ALG12: variants seen among roughly 807,000 people sequenced by gnomAD.
ALG12 encodes dol-P-Man:Man(7)GlcNAc(2)-PP-Dol alpha-1,6-mannosyltransferase.
Under a neutral mutation model 46.0 loss-of-function variants are expected in ALG12, and 36 were observed. The ratio of observed to expected loss-of-function variants is 0.78; its 90% CI spans 0.60 to 1.03. ALG12 has a LOEUF of 1.03. ALG12 is among the 50% of genes least tolerant of loss of function. The pLI is 0.00. For missense variants in ALG12, 599 were observed against 633.5 expected, an observed-to-expected ratio of 0.95 and a Z score of 0.58; for synonymous variants, 326 against 291.6, an observed-to-expected ratio of 1.12 and a Z score of -1.20.
chr22:49,892,581 T>C, the ALG12 span, among the ~76,000 whole-genome samples: 1 of 152,154 alleles, frequency 6.6e-6, no homozygotes, highest in Non-Finnish European at 1.5e-5. Flanking sequence ...AGCTGAGACA[T>C]CTTTGGGCAA....
the ALG12 span, among the ~76,000 whole-genome samples, chr22:49,878,092 G>T: frequency 6.6e-6 from 1 of 152,026 alleles, no homozygotes; most frequent in Admixed American, 6.6e-5. Context: ...ATCACCTGAG[G>T]TCAGGAATTC....
Position 49,909,362 on chromosome 22 carries a change from TAG to T in ALG12, c.665-17_665-16del, listed in dbSNP as rs1473790663. Reference sequence around the variant, plus strand: ...AACCGTCAGTCCTGACAAAATAAAATAGAGTTTCTTAGTCGCAAACACAGCCA... The same window carrying T: ...AACCGTCAGTCCTGACAAAATAAAATAGTTTCTTAGTCGCAAACACAGCCA... On this transcript the variant is annotated splice_polypyrimidine_tract_variant and intron_variant, in intron 5 of 9. Transcript: ENST00000330817. 3.1e-6 allele frequency: 5 copies of T among 1,613,180 alleles called. No individual in the cohort carries two copies. Among genetic ancestry groups the T allele is most frequent in the African/African-American group, 2.7e-5 (2 of 74,896 alleles).
chr22:49,865,717 G>A, the ALG12 span, among the ~76,000 whole-genome samples: 1 of 151,982 alleles, frequency 6.6e-6, no homozygotes, highest in Non-Finnish European at 1.5e-5. Context: ...GTTGTGTTTT[G>A]GTTGAGGTTT....
chr22:49,891,675 T>C, the ALG12 span, among the ~76,000 whole-genome samples: 2 of 152,238 alleles, frequency 1.3e-5, no homozygotes, highest in Non-Finnish European at 2.9e-5. Flanking sequence ...GCAGAATTCA[T>C]GTTCTGCTAG....
At chr22:49,861,793 G>A in the ALG12 span, among the ~76,000 whole-genome samples, 4 of 152,166 alleles carry the variant, frequency 2.6e-5, no homozygotes, top group Admixed American at 2.0e-4. Context: ...TCCTATTGAC[G>A]GGCTCTGATC....
the ALG12 span, among the ~76,000 whole-genome samples, chr22:49,891,707 T>TC: frequency 1.3e-5 from 2 of 152,254 alleles, no homozygotes; most frequent in African/African-American, 4.8e-5. Flanking sequence ...AAACTGATTC[T>TC]TACTGCCTCA....
chr22:49,900,789 T>G lies in ALG12; in HGVS notation c.*3049A>C, dbSNP rs2060501042. On this transcript the variant is annotated 3_prime_UTR_variant, in exon 10 of 10. Coordinates refer to ENST00000330817, the MANE Select transcript of ALG12 (RefSeq NM_024105.4). ...AGGCACGGTTCTGTGCTGTTTCAGA[T>G]CTGTACACACATATTACATATGTAC... 1 of 152,236 alleles carries G rather than the reference T, an allele frequency of 6.6e-6. No homozygotes were observed. The highest frequency in any genetic ancestry group is 1.5e-5 in the Non-Finnish European group (1 of 68,070). The allele number at this position is 152,236 out of a possible 1,614,324, so 9.4% of individuals were successfully genotyped here.
chr22:49,871,190 G>A, the ALG12 span, among the ~76,000 whole-genome samples: 175 of 12,902 alleles, frequency 0.014, 2 homozygotes, highest in African/African-American at 0.07. Context: ...GACTACAGGC[G>A]TGAGTCACTG....
chr22:49,893,470 T>C, the ALG12 span, among the ~76,000 whole-genome samples: 1 of 152,174 alleles, frequency 6.6e-6, no homozygotes, highest in South Asian at 2.1e-4. Flanking sequence ...CAGCTGACTC[T>C]CTAAAACAAA....
the ALG12 span, among the ~76,000 whole-genome samples, chr22:49,890,347 A>T: frequency 2.6e-5 from 4 of 152,190 alleles, no homozygotes; most frequent in African/African-American, 4.8e-5. Flanking sequence ...CAACATTTTT[A>T]TTTCTCAATG....
chr22:49,900,065 G>C (rs1241688508), downstream of ALG12, among the ~76,000 whole-genome samples: 1 of 152,168 alleles, frequency 6.6e-6, no homozygotes, highest in Non-Finnish European at 1.5e-5. Context: ...TTGGGAGGCT[G>C]AGGTGGGAGG....
At chr22:49,879,302 T>C in the ALG12 span, among the ~76,000 whole-genome samples, 4 of 149,630 alleles carry the variant, frequency 2.7e-5, no homozygotes, top group East Asian at 7.9e-4. Context: ...TTTTTTTGTA[T>C]TTTTAGTAGA....
intron 1 of ALG12, 47 bp from the exon 2 acceptor site, chr22:49,913,890 G>T: frequency 7.7e-7 from 1 of 1,302,310 alleles, no homozygotes; most frequent in Non-Finnish European, 1.1e-6. Context: ...TCACGCTTGC[G>T]CTCACGTTTG....
At chr22:49,911,682 C>T (rs2146610798) in intron 3 of ALG12, among the ~76,000 whole-genome samples, 1 of 152,322 alleles carries the variant, frequency 6.6e-6, no homozygotes, top group South Asian at 2.1e-4. Flanking sequence ...GATCCCCCCG[C>T]CTCGGCCTCC....
chr22:49,916,128 G>T (rs922145953), intron 1 of ALG12, among the ~76,000 whole-genome samples: 1 of 151,800 alleles, frequency 6.6e-6, no homozygotes, highest in South Asian at 2.1e-4. Context: ...GAGTGGTGGC[G>T]AGTAGTCCCA....
At chr22:49,890,662 G>A in the ALG12 span, among the ~76,000 whole-genome samples, 1 of 152,170 alleles carries the variant, frequency 6.6e-6, no homozygotes. Flanking sequence ...CACTGATGAG[G>A]CTTTCCTGGG....
At chr22:49,915,362 T>C (rs574263431) in intron 1 of ALG12, among the ~76,000 whole-genome samples, 125 of 151,816 alleles carry the variant, frequency 8.2e-4, no homozygotes, top group Non-Finnish European at 1.6e-3. Flanking sequence ...ATCAAGACCA[T>C]CCTGGCCAAC....
At chr22:49,864,937 GCCCC>G in the ALG12 span, among the ~76,000 whole-genome samples, 4 of 11,330 alleles carry the variant, frequency 3.5e-4, no homozygotes, top group Non-Finnish European at 5.3e-4. Context: ...ATCCCAGCAA[GCCCC>G]CCCCCCCCCC....
At chr22:49,879,495 T>C in the ALG12 span, among the ~76,000 whole-genome samples, 5 of 151,716 alleles carry the variant, frequency 3.3e-5, no homozygotes, top group Non-Finnish European at 5.9e-5. Context: ...CTATATCCGC[T>C]CTTACAATAG....
Sources: allele counts gnomAD v4.1 joint callset (sites outside exome capture counted in the v4.1 genomes callset), GRCh38; gene constraint gnomAD v4.1.1; transcripts MANE v1.5; gene names NCBI Gene and HGNC (gene_info 2026-07-23, HGNC 2026-07-21).